Variants in FRMD4B observed in about 807,000 individuals in gnomAD.
FRMD4B encodes FERM domain-containing protein 4B.
In FRMD4B, 74 loss-of-function variants were observed where a neutral mutation model predicts 141.5. The observed-to-expected ratio is 0.52, with a 90% CI of 0.43 to 0.63. The LOEUF is 0.63. Among genes scored for constraint, FRMD4B ranks in the 30% least tolerant of loss-of-function variants. The pLI is 0.00. For missense variants in FRMD4B, 1,366 were observed against 1,253.4 expected (o/e 1.09, Z -1.36); for synonymous variants, 506 against 467.9 (o/e 1.08, Z -1.05).
chr3:69,461,786 A>G (rs918251206), intron 1 of FRMD4B, among the ~76,000 whole-genome samples: 3 of 152,118 alleles, frequency 2.0e-5, no homozygotes, highest in Non-Finnish European at 4.4e-5. Flanking sequence ...TCAGGTAACA[A>G]TATATCCTGG....
At position 69,221,858 on chromosome 3, in the gene FRMD4B, T is replaced by C; in HGVS notation, c.731A>G (p.Gln244Arg). The C allele has an allele frequency of 6.7e-7, 1 of 1,486,688 alleles. No homozygotes were observed. 92.1% of individuals were successfully genotyped at this position (1,486,688 alleles called of 1,614,324 possible). The part of the protein sequence containing the change: ...KGLTRGQAVV[Q>R]YMKIVEALPT... Reference sequence around the variant, plus strand: ...TCTAAGCAAAAGGAAAGATACTTACTGAACCACAGCTTGACCTCGAGTGAG... The same window carrying C: ...TCTAAGCAAAAGGAAAGATACTTACCGAACCACAGCTTGACCTCGAGTGAG... Residue 244 changes from glutamine to arginine, a missense_variant and splice_region_variant, in exon 9 of 23, where the codon CAG (glutamine) becomes CGG (arginine). Transcript: ENST00000398540.
intron 1 of FRMD4B, among the ~76,000 whole-genome samples, chr3:69,363,931 C>T (rs972966592): frequency 3.9e-5 from 6 of 152,166 alleles, no homozygotes; most frequent in Non-Finnish European, 7.3e-5. Flanking sequence ...GCAGCTTCTT[C>T]CATTTACTCC....
chr3:69,251,461 A>T (rs2093463208), intron 5 of FRMD4B, among the ~76,000 whole-genome samples: 1 of 152,260 alleles, frequency 6.6e-6, no homozygotes, highest in South Asian at 2.1e-4. Context: ...CAAAAAACAA[A>T]CAATAATTAT....
At chr3:69,537,996 AG>A (rs1211394439) in intron 1 of FRMD4B, among the ~76,000 whole-genome samples, 2 of 152,230 alleles carry the variant, frequency 1.3e-5, no homozygotes, top group South Asian at 2.1e-4. Flanking sequence ...GAAGCCACTT[AG>A]CACAGATTTC....
intron 5 of FRMD4B, among the ~76,000 whole-genome samples, chr3:69,277,150 C>T (rs940104675): frequency 2.0e-5 from 3 of 152,254 alleles, no homozygotes; most frequent in Middle Eastern, 3.4e-3. Context: ...ATGTTTGGCT[C>T]ACTTGTCTTT....
At chr3:69,240,516 A>G (rs1456715486) in intron 7 of FRMD4B, among the ~76,000 whole-genome samples, 7 of 151,940 alleles carry the variant, frequency 4.6e-5, no homozygotes, top group Non-Finnish European at 8.8e-5. Context: ...AGAACACGTA[A>G]AAGAAAAACA....
At chr3:69,240,775 A>G (rs984486862) in intron 7 of FRMD4B, among the ~76,000 whole-genome samples, 20 of 152,196 alleles carry the variant, frequency 1.3e-4, no homozygotes, top group African/African-American at 4.8e-4. Flanking sequence ...GTTATCACTT[A>G]GTGTGTTTCC....
At chr3:69,471,996 T>C (rs1291313460) in intron 1 of FRMD4B, 1 of 155,216 alleles carries the variant, frequency 6.4e-6, no homozygotes, top group African/African-American at 2.4e-5. Flanking sequence ...GTTGTCTTTT[T>C]TTTTTTTTTA....
At chr3:69,318,501 C>A (rs1454708633) in intron 1 of FRMD4B, among the ~76,000 whole-genome samples, 1 of 152,136 alleles carries the variant, frequency 6.6e-6, no homozygotes, top group Admixed American at 6.5e-5. Flanking sequence ...TTTGGTGGAA[C>A]ACCACACAGG....
At chr3:69,258,870 C>G (rs1167676071) in intron 5 of FRMD4B, among the ~76,000 whole-genome samples, 2 of 152,102 alleles carry the variant, frequency 1.3e-5, no homozygotes, top group African/African-American at 4.8e-5. Context: ...AGCTCCTCAT[C>G]TGCAAAATAG....
chr3:69,187,161 C>A (rs2092776754), intron 19 of FRMD4B, among the ~76,000 whole-genome samples: 1 of 152,044 alleles, frequency 6.6e-6, no homozygotes, highest in African/African-American at 2.4e-5. Context: ...ATGTCTAAAT[C>A]CAGATGATAA....
intron 1 of FRMD4B, among the ~76,000 whole-genome samples, chr3:69,379,404 A>T (rs1447393444): frequency 1.3e-5 from 2 of 152,022 alleles, no homozygotes; most frequent in South Asian, 2.1e-4. Flanking sequence ...TCAACCACCT[A>T]AGTAGCTGGG....
At chr3:69,530,563 T>G (rs1292864115) in intron 1 of FRMD4B, among the ~76,000 whole-genome samples, 28 of 152,184 alleles carry the variant, frequency 1.8e-4, no homozygotes, top group Non-Finnish European at 1.3e-4. Flanking sequence ...CCTCTTTTTT[T>G]TTTTTTAATA....
intron 5 of FRMD4B, among the ~76,000 whole-genome samples, chr3:69,260,014 T>C (rs2093515773): frequency 6.6e-6 from 1 of 152,240 alleles, no homozygotes; most frequent in Non-Finnish European, 1.5e-5. Context: ...AATATCACAC[T>C]CGTCCTATGT....
chr3:69,260,448 C>A (rs895958214), intron 5 of FRMD4B, among the ~76,000 whole-genome samples: 1 of 152,238 alleles, frequency 6.6e-6, no homozygotes, highest in Non-Finnish European at 1.5e-5. Context: ...CACCGGGTCC[C>A]CCAGCACTGC....
At chr3:69,403,744 T>TA (rs770722401) in intron 2 of FRMD4B, among the ~76,000 whole-genome samples, 12 of 152,156 alleles carry the variant, frequency 7.9e-5, no homozygotes, top group Admixed American at 6.5e-5. Flanking sequence ...ATACTCCACT[T>TA]ATGAAGTATA....
At chr3:69,295,139 G>T (rs9813130) in intron 4 of FRMD4B, among the ~76,000 whole-genome samples, 111,571 of 152,000 alleles carry the variant, frequency 0.73, 41,096 homozygotes, top group East Asian at 0.86. Flanking sequence ...AGTAGGTGGG[G>T]GCTACCACCA....
chr3:69,386,472 G>C (rs1704258140), upstream of FRMD4B, among the ~76,000 whole-genome samples: 1 of 152,076 alleles, frequency 6.6e-6, no homozygotes, highest in South Asian at 2.1e-4. Flanking sequence ...CACACCGGAC[G>C]AGTGGTCTCC....
At chr3:69,199,114 C>CA (rs952851550) in intron 11 of FRMD4B, 17 of 193,712 alleles carry the variant, frequency 8.8e-5, no homozygotes, top group Admixed American at 2.3e-4. Flanking sequence ...ACTAAAAATA[C>CA]AAAAAAAATT....
Sources: allele counts gnomAD v4.1 joint callset (sites outside exome capture counted in the v4.1 genomes callset), GRCh38; gene constraint gnomAD v4.1.1; transcripts MANE v1.5; gene names NCBI Gene and HGNC (gene_info 2026-07-23, HGNC 2026-07-21).